Variants in ZBTB7C observed in about 807,000 individuals in gnomAD.
ZBTB7C encodes the protein zinc finger and BTB domain containing 7C.
ZBTB7C carries 8 observed loss-of-function variants against 25.7 expected under a neutral mutation model. That is an observed-to-expected ratio of 0.31 (90% confidence interval 0.18 to 0.56). The LOEUF (loss-of-function observed/expected upper bound fraction) is 0.56, where lower values mean the gene tolerates loss of function less well. Ranked by LOEUF, ZBTB7C falls within the 20% of genes least tolerant of loss-of-function variation. The probability of loss-of-function intolerance (pLI) is 0.91; values close to 1 mark genes in which losing one functional copy is unlikely to be tolerated. For missense variants in ZBTB7C, 824 were observed against 855.2 expected (o/e 0.96, Z 0.46); for synonymous variants, 394 against 369.0 (o/e 1.07, Z -0.78).
chr18:48,068,504 A>G (rs201903967), intron 3 of ZBTB7C, among the ~76,000 whole-genome samples: 1 of 151,818 alleles, frequency 6.6e-6, no homozygotes, highest in Non-Finnish European at 1.5e-5. Flanking sequence ...AAAAAAAAAC[A>G]ACAAAAAAAC....
intron 2 of ZBTB7C, among the ~76,000 whole-genome samples, chr18:48,330,182 G>C (rs1198714932): frequency 2.0e-5 from 3 of 152,200 alleles, no homozygotes; most frequent in Non-Finnish European, 2.9e-5. Context: ...TAGGGCTCTT[G>C]AGGACAGGGC....
intron 4 of ZBTB7C, among the ~76,000 whole-genome samples, chr18:48,038,524 T>C (rs1490225642): frequency 6.6e-6 from 1 of 151,374 alleles, no homozygotes. Flanking sequence ...GAAGAACAGG[T>C]CTCATGACTT....
chr18:48,266,223 C>T (rs978824042), intron 2 of ZBTB7C, among the ~76,000 whole-genome samples: 2 of 152,116 alleles, frequency 1.3e-5, no homozygotes, highest in African/African-American at 4.8e-5. Context: ...TAGGACCCAC[C>T]AACACCCAGG....
At chr18:48,319,071 G>A (rs1240793383) in intron 2 of ZBTB7C, among the ~76,000 whole-genome samples, 1 of 152,034 alleles carries the variant, frequency 6.6e-6, no homozygotes, top group East Asian at 1.9e-4. Context: ...CATAAATTTT[G>A]TGTCAATTAA....
chr18:48,296,829 T>A (rs933547836), intron 2 of ZBTB7C, among the ~76,000 whole-genome samples: 4 of 151,258 alleles, frequency 2.6e-5, no homozygotes, highest in African/African-American at 9.7e-5. Flanking sequence ...AGCAGAGCCA[T>A]GAGAGTCTCA....
intron 2 of ZBTB7C, among the ~76,000 whole-genome samples, chr18:48,280,017 G>A (rs1471266165): frequency 2.0e-5 from 3 of 152,210 alleles, no homozygotes; most frequent in Non-Finnish European, 2.9e-5. Flanking sequence ...CATCTACTAT[G>A]TGCCAGGCAC....
chr18:48,352,037 A>G (rs2145045581), intron 1 of ZBTB7C, among the ~76,000 whole-genome samples: 1 of 152,184 alleles, frequency 6.6e-6, no homozygotes, highest in East Asian at 1.9e-4. Flanking sequence ...TGGTCAGCTC[A>G]AGGGTCCCCT....
intron 3 of ZBTB7C, among the ~76,000 whole-genome samples, chr18:48,091,009 GA>G (rs1171911294): frequency 8.1e-5 from 12 of 148,228 alleles, no homozygotes; most frequent in Admixed American, 2.0e-4. Context: ...AAAAGGAAAA[GA>G]AAAAAAAGGG....
chr18:48,387,274 G>C (rs1323014087), intron 1 of ZBTB7C, among the ~76,000 whole-genome samples: 1 of 152,204 alleles, frequency 6.6e-6, no homozygotes, highest in East Asian at 1.9e-4. Flanking sequence ...TTTTTTGGTA[G>C]AAAGGTAAAG....
chr18:48,361,772 G>A (rs1295225610), intron 1 of ZBTB7C, among the ~76,000 whole-genome samples: 2 of 152,194 alleles, frequency 1.3e-5, no homozygotes, highest in African/African-American at 2.4e-5. Flanking sequence ...CAGGGCATTC[G>A]GCTGCTCAGA....
At chr18:48,226,264 C>T (rs772289249) in intron 2 of ZBTB7C, among the ~76,000 whole-genome samples, 1 of 152,228 alleles carries the variant, frequency 6.6e-6, no homozygotes, top group Non-Finnish European at 1.5e-5. Context: ...ACAGGTAGAT[C>T]CCTTCATCCA....
At chr18:48,274,565 A>G (rs1002537164) in intron 2 of ZBTB7C, among the ~76,000 whole-genome samples, 7 of 152,118 alleles carry the variant, frequency 4.6e-5, no homozygotes, top group African/African-American at 1.7e-4. Context: ...CCCTATTTTC[A>G]TAAATGCTGC....
intron 3 of ZBTB7C, chr18:48,076,988 A>G: frequency 2.0e-6 from 2 of 985,022 alleles, no homozygotes; most frequent in Non-Finnish European, 2.4e-6. Flanking sequence ...CTTGGCCAAG[A>G]CAGCACCTAA....
intron 2 of ZBTB7C, among the ~76,000 whole-genome samples, chr18:48,321,108 T>A (rs914750096): frequency 1.2e-4 from 18 of 152,260 alleles, no homozygotes; most frequent in African/African-American, 4.3e-4. Context: ...ACTGTTATAA[T>A]AGGTCTGGCA....
intron 1 of ZBTB7C, among the ~76,000 whole-genome samples, chr18:48,361,498 A>G (rs2047104716): frequency 1.3e-5 from 2 of 152,352 alleles, no homozygotes; most frequent in African/African-American, 4.8e-5. Flanking sequence ...ATTGCCAAAT[A>G]TACCCAGGAT....
intron 1 of ZBTB7C, among the ~76,000 whole-genome samples, chr18:48,345,114 G>A (rs1008469941): frequency 2.0e-5 from 3 of 152,172 alleles, no homozygotes; most frequent in African/African-American, 4.8e-5. Flanking sequence ...AGGGTCCAGC[G>A]CTTTGGAAGG....
At chr18:48,106,442 C>G (rs1312947008) in intron 3 of ZBTB7C, among the ~76,000 whole-genome samples, 1 of 146,052 alleles carries the variant, frequency 6.8e-6, no homozygotes, top group Non-Finnish European at 1.5e-5. Context: ...GGACCCAAAC[C>G]CTATTATAAT....
chr18:48,399,536 G>T (rs2048111020), intron 1 of ZBTB7C, among the ~76,000 whole-genome samples: 1 of 152,182 alleles, frequency 6.6e-6, no homozygotes, highest in African/African-American at 2.4e-5. Context: ...GGCCGGTGGG[G>T]TGGCGGGTGG....
At chr18:48,286,939 C>A (rs1293056987) in intron 2 of ZBTB7C, among the ~76,000 whole-genome samples, 1 of 152,094 alleles carries the variant, frequency 6.6e-6, no homozygotes, top group Admixed American at 6.6e-5. Flanking sequence ...GTAGTCCAAA[C>A]TACTCAGGAG....
Sources: allele counts gnomAD v4.1 joint callset (sites outside exome capture counted in the v4.1 genomes callset), GRCh38; gene constraint gnomAD v4.1.1; transcripts MANE v1.5; gene names NCBI Gene and HGNC (gene_info 2026-07-23, HGNC 2026-07-21).